Variants in SLC35F3 observed in about 807,000 individuals in gnomAD.
SLC35F3 encodes the protein solute carrier family 35 member F3, also known as putative thiamine transporter SLC35F3.
SLC35F3 carries 25 observed loss-of-function variants against 49.9 expected under a neutral mutation model. The ratio of observed to expected loss-of-function variants is 0.50; its 90% confidence interval spans 0.37 to 0.70. The LOEUF (loss-of-function observed/expected upper bound fraction) is 0.70. Among genes scored for constraint, SLC35F3 ranks in the 30% least tolerant of loss-of-function variants. The pLI, the probability that SLC35F3 is intolerant of heterozygous loss-of-function variation, is 0.00. For missense variants in SLC35F3, 525 were observed against 639.8 expected, an observed-to-expected ratio of 0.82 and a Z score of 1.94; for synonymous variants, 275 against 265.4, an observed-to-expected ratio of 1.04 and a Z score of -0.35.
intron 2 of SLC35F3, among the ~76,000 whole-genome samples, chr1:234,182,282 G>A (rs867572953): frequency 2.6e-5 from 4 of 152,158 alleles, no homozygotes; most frequent in South Asian, 2.1e-4. Flanking sequence ...CTGACTCTTT[G>A]AGAGCTAGAT....
At chr1:233,946,495 C>G (rs564252010) in intron 2 of SLC35F3, among the ~76,000 whole-genome samples, 75 of 152,220 alleles carry the variant, frequency 4.9e-4, no homozygotes, top group African/African-American at 1.8e-3. Context: ...GCAAATTATC[C>G]CATTGCTGTG....
chr1:234,239,261 C>T (rs189699802), intron 3 of SLC35F3, among the ~76,000 whole-genome samples: 29 of 152,194 alleles, frequency 1.9e-4, no homozygotes, highest in Admixed American at 4.6e-4. Context: ...AATCTTTGTG[C>T]GGGTCAGATG....
intron 2 of SLC35F3, among the ~76,000 whole-genome samples, chr1:234,185,249 C>T (rs946091602): frequency 2.6e-5 from 4 of 152,074 alleles, no homozygotes; most frequent in African/African-American, 9.7e-5. Flanking sequence ...AAGGAGAGGA[C>T]ACTTTGGGAG....
intron 3 of SLC35F3, among the ~76,000 whole-genome samples, chr1:234,255,755 C>T (rs1013856386): frequency 2.6e-5 from 4 of 152,022 alleles, no homozygotes; most frequent in Non-Finnish European, 4.4e-5. Context: ...TGATTTGAAC[C>T]CTGGAAGGGT....
intron 5 of SLC35F3, 25 bp downstream of exon 5, chr1:234,316,752 C>A: frequency 6.3e-7 from 1 of 1,585,940 alleles, no homozygotes; most frequent in South Asian, 1.1e-5. Flanking sequence ...TGAACTTTCT[C>A]AGCTGGCTGG....
chr1:234,130,937 A>T (rs1378491630), intron 2 of SLC35F3, among the ~76,000 whole-genome samples: 1 of 124,346 alleles, frequency 8.0e-6, no homozygotes, highest in African/African-American at 2.5e-5. Context: ...TAGAATGGAT[A>T]AAAAAAATTT....
At chr1:234,013,526 T>C (rs1268897475) in intron 2 of SLC35F3, among the ~76,000 whole-genome samples, 3 of 141,600 alleles carry the variant, frequency 2.1e-5, no homozygotes, top group African/African-American at 7.9e-5. Flanking sequence ...AGAAAAACAA[T>C]AGAAAAAAAA....
intron 2 of SLC35F3, among the ~76,000 whole-genome samples, chr1:234,022,177 G>A (rs1308120502): frequency 2.0e-5 from 3 of 152,178 alleles, no homozygotes; most frequent in African/African-American, 4.8e-5. Context: ...CCCCTGAACC[G>A]TTGAGTTGCA....
intron 2 of SLC35F3, among the ~76,000 whole-genome samples, chr1:234,053,610 G>A (rs528100907): frequency 3.9e-5 from 6 of 152,264 alleles, no homozygotes; most frequent in African/African-American, 1.4e-4. Flanking sequence ...GCCAGTCTGT[G>A]TCTTTTAATT....
intron 2 of SLC35F3, among the ~76,000 whole-genome samples, chr1:233,910,458 A>T (rs1416567116): frequency 6.6e-6 from 1 of 152,234 alleles, no homozygotes; most frequent in African/African-American, 2.4e-5. Context: ...TCATTTATTC[A>T]TTTAAAAAAC....
chr1:233,945,269 T>C (rs1274699457), intron 2 of SLC35F3, among the ~76,000 whole-genome samples: 1 of 152,084 alleles, frequency 6.6e-6, no homozygotes, highest in Non-Finnish European at 1.5e-5. Context: ...CCAGGCGGCA[T>C]GCAGCCTCAC....
At chr1:234,030,570 C>T (rs1343158082) in intron 2 of SLC35F3, among the ~76,000 whole-genome samples, 2 of 152,178 alleles carry the variant, frequency 1.3e-5, no homozygotes, top group African/African-American at 4.8e-5. Context: ...GCGTTAACTC[C>T]TCCAAGGCTC....
chr1:234,007,478 G>A (rs572580540), intron 2 of SLC35F3, among the ~76,000 whole-genome samples: 2 of 152,332 alleles, frequency 1.3e-5, no homozygotes, highest in East Asian at 1.9e-4. Context: ...GGGAGTGGAA[G>A]AAGAGATGAG....
intron 2 of SLC35F3, among the ~76,000 whole-genome samples, chr1:234,050,891 G>A (rs951249641): frequency 3.9e-5 from 6 of 152,134 alleles, no homozygotes; most frequent in East Asian, 1.9e-4. Context: ...TTATTAAATC[G>A]GGAATCATTT....
chr1:234,126,284 C>T (rs1034179627), intron 2 of SLC35F3, among the ~76,000 whole-genome samples: 7 of 152,324 alleles, frequency 4.6e-5, no homozygotes, highest in Non-Finnish European at 7.3e-5. Flanking sequence ...TAAAGCCCTA[C>T]TCATCTTTTG....
intron 2 of SLC35F3, among the ~76,000 whole-genome samples, chr1:234,121,743 G>A (rs1665578276): frequency 6.6e-6 from 1 of 152,122 alleles, no homozygotes; most frequent in African/African-American, 2.4e-5. Context: ...GCCCCGGTGT[G>A]TGATGTTCCC....
chr1:234,164,476 G>A (rs1380838658), intron 2 of SLC35F3, among the ~76,000 whole-genome samples: 1 of 151,436 alleles, frequency 6.6e-6, no homozygotes, highest in Non-Finnish European at 1.5e-5. Flanking sequence ...CATACCCCAG[G>A]CTTGTGAGTA....
At chr1:234,131,406 G>A (rs575147098) in intron 2 of SLC35F3, among the ~76,000 whole-genome samples, 6 of 152,200 alleles carry the variant, frequency 3.9e-5, no homozygotes, top group African/African-American at 1.4e-4. Context: ...AGCTTCCATG[G>A]CACATCTGGC....
At chr1:233,977,622 A>C (rs1279287947) in intron 2 of SLC35F3, among the ~76,000 whole-genome samples, 1 of 152,202 alleles carries the variant, frequency 6.6e-6, no homozygotes, top group African/African-American at 2.4e-5. Context: ...TATTGTTGCT[A>C]TGTGCTGATA....
Sources: gnomAD v4.1 joint callset for allele counts (sites outside exome capture counted in the v4.1 genomes callset) on GRCh38, gnomAD v4.1.1 for gene constraint, MANE v1.5 for transcripts, NCBI Gene and HGNC (gene_info 2026-07-23, HGNC 2026-07-21) for gene names.